Variants in MPLKIP observed in about 807,000 individuals in gnomAD.
MPLKIP encodes the protein M-phase specific PLK1 interacting protein.
Under a neutral mutation model 16.9 loss-of-function variants are expected in MPLKIP, and 16 were observed. The observed-to-expected ratio is 0.94, with a 90% CI of 0.64 to 1.43. MPLKIP has a LOEUF of 1.43. Ranked by LOEUF, MPLKIP falls within the 40% of genes most tolerant of loss-of-function variation. MPLKIP has a pLI of 0.00. For synonymous variants in MPLKIP, 126 were observed against 98.4 expected (o/e 1.28, Z -1.66); for missense variants, 282 against 237.6 (o/e 1.19, Z -1.23).
At chr7:40,134,066 C>T (rs1186005351) in intron 1 of MPLKIP, among the ~76,000 whole-genome samples, 163 bp downstream of exon 1, 1 of 152,084 alleles carries the variant, frequency 6.6e-6, no homozygotes. Context: ...GATAATCTTC[C>T]GGAAGTCACT....
In MPLKIP at chr7:40,131,071, C is replaced by A. The variant is rs1562780628; in HGVS notation, c.*1988G>T. On this transcript the variant is annotated 3_prime_UTR_variant, in exon 2 of 2. Coordinates refer to ENST00000306984, the MANE Select transcript of MPLKIP (RefSeq NM_138701.4). ...ATTCATTTAATCCTCCAACACAACA[C>A]CTCTATGACACAGGTACTATTAATT... 6.6e-6 allele frequency: 1 copy of A among 152,174 alleles called. No homozygotes were observed. The highest frequency in any genetic ancestry group is 1.5e-5 in the Non-Finnish European group (1 of 68,038). The allele number at this position is 152,174 out of a possible 1,614,324, so 9.4% of individuals were successfully genotyped here.
rs891028938 is a variant in MPLKIP, at chr7:40,131,076, A to G, written c.*1983T>C. The G allele has an allele frequency of 6.6e-6, 1 of 152,198 alleles. No homozygotes were observed. The highest frequency in any genetic ancestry group is 2.4e-5 in the African/African-American group (1 of 41,452). 9.4% of individuals were successfully genotyped at this position (152,198 alleles called of 1,614,324 possible). The stretch of plus-strand genomic sequence containing the variant: ...TTTAATCCTCCAACACAACACCTCT[A>G]TGACACAGGTACTATTAATTTTCTC... On this transcript the variant is annotated 3_prime_UTR_variant, in exon 2 of 2. Coordinates refer to ENST00000306984, the MANE Select transcript of MPLKIP (RefSeq NM_138701.4).
rs1000417273 is a variant in MPLKIP, at chr7:40,126,554, C to T, written c.*6505G>A. 1 of 152,100 alleles carries T rather than the reference C, an allele frequency of 6.6e-6. No homozygotes were observed. Among genetic ancestry groups the T allele is most frequent in the Non-Finnish European group, 1.5e-5 (1 of 68,064 alleles). The allele number at this position is 152,100 out of a possible 1,614,324, so 9.4% of individuals were successfully genotyped here. On this transcript the variant is annotated 3_prime_UTR_variant, in exon 2 of 2. Coordinates refer to ENST00000306984, the MANE Select transcript of MPLKIP (RefSeq NM_138701.4). ...GCTCAAGCAATTCTCCTGCCTCAGC[C>T]TCCCAAGTAGCTGGGATACAGGCAC...
Position 40,132,990 on chromosome 7 carries a change from TCAACA to T in MPLKIP, c.*64_*68del. 4 of 1,373,626 alleles carry T rather than the reference TCAACA, an allele frequency of 2.9e-6. No homozygotes were observed. The highest frequency in any genetic ancestry group is 4.1e-6 in the Non-Finnish European group (4 of 972,790). The allele number at this position is 1,373,626 out of a possible 1,614,324, so 85.1% of individuals were successfully genotyped here. On this transcript the variant is annotated 3_prime_UTR_variant, in exon 2 of 2. Coordinates refer to ENST00000306984, the MANE Select transcript of MPLKIP (RefSeq NM_138701.4). Reference sequence around the variant, plus strand: ...GTCATCATCTTTGGGTAAATTTATATCAACACAACTTAAAGTTTTGTCCAAGATGT... The same window carrying T: ...GTCATCATCTTTGGGTAAATTTATATCAACTTAAAGTTTTGTCCAAGATGT...
intron 1 of MPLKIP, among the ~76,000 whole-genome samples, chr7:40,133,884 G>GAGAAAA (rs1247784385): frequency 7.5e-5 from 2 of 26,842 alleles, no homozygotes; most frequent in East Asian, 7.0e-4. Context: ...TCGAAAGAAA[G>GAGAAAA]ATAAAAAAAA....
chr7:40,134,431 C>T lies in MPLKIP; in HGVS notation c.137G>A (p.Gly46Glu), dbSNP rs764264973. 9.6e-6 allele frequency: 15 copies of T among 1,566,178 alleles called. No homozygotes were observed. Among genetic ancestry groups the T allele is most frequent in the South Asian group, 1.2e-5 (1 of 85,920 alleles). Residue 46 changes from glycine (G) to glutamate (E), a missense_variant, in exon 1 of 2, where the codon GGG (glycine) becomes GAG (glutamate). Physicochemically the swap from Gly to Glu is moderately conservative, Grantham distance 98. Transcript: ENST00000306984. ...GTACGGCGGCGTGTGGTGCGGACTCCCGTACCCGTCTCGAGGGGAGGGCGG... is the reference window on the plus strand; with the variant it reads ...GTACGGCGGCGTGTGGTGCGGACTCTCGTACCCGTCTCGAGGGGAGGGCGG... ...PRPPSPRDGY[G>E]SPHHTPPYGP...
At position 40,133,136 on chromosome 7, in the gene MPLKIP, C is replaced by T. The variant is rs1458905372; in HGVS notation, c.463G>A (p.Val155Ile). The change falls in exon 2 of 2, where the codon GTA becomes ATA. Residue 155 changes from valine to isoleucine, a missense_variant. Val to Ile is a conservative substitution (Grantham distance 29, BLOSUM62 3). Transcript: ENST00000306984. ...TGTTGGCTTATATCCACTACAGATA[C>T]TGGTTCTAGGCCAGCCCAAGGATCT... ...LEDPWAGLEPVSVVDISQQYS... is the reference protein window; with the variant it reads ...LEDPWAGLEPISVVDISQQYS... The T allele has an allele frequency of 1.2e-6, 2 of 1,613,850 alleles. No homozygotes were observed. The highest frequency in any genetic ancestry group is 2.7e-5 in the African/African-American group (2 of 74,904).
In MPLKIP at chr7:40,134,271, CT is replaced by C. The variant is rs753172610; in HGVS notation, c.296del (p.Gln99ArgfsTer54). 4 of 1,561,466 alleles carry C rather than the reference CT, an allele frequency of 2.6e-6. No homozygotes were observed. Among genetic ancestry groups the C allele is most frequent in the Non-Finnish European group, 3.5e-6 (4 of 1,152,700 alleles). On this transcript the variant is annotated frameshift_variant, in exon 1 of 2. Coordinates refer to ENST00000306984, the MANE Select transcript of MPLKIP (RefSeq NM_138701.4). LOFTEE classifies it high-confidence loss of function. ...SYSRSPAGSQ[Q>X]QFGYSPGQQQ... ...GCTGCCCTGGGGAGTAGCCGAATTGCTGCTGGGACCCCGCGGGGGACCTGGA... is the reference window on the plus strand; with the variant it reads ...GCTGCCCTGGGGAGTAGCCGAATTGCGCTGGGACCCCGCGGGGGACCTGGA...
In MPLKIP at chr7:40,134,342, C is replaced by A; in HGVS notation, c.226G>T (p.Gly76Cys). 2 of 1,553,012 alleles carry A rather than the reference C, an allele frequency of 1.3e-6. No individual in the cohort carries two copies. The highest frequency in any genetic ancestry group is 1.2e-5 in the South Asian group (1 of 84,420). ...CCAGGGGACGGAGACCCGAACCGGC[C>A]CCCCGGGAAGCTGCCGCCGTGTCGC... The part of the protein sequence containing the change: ...SPRHGGSFPG[G>C]RFGSPSPGGY... Residue 76 changes from glycine to cysteine, a missense_variant, in exon 1 of 2, where the codon GGC becomes TGC. Coordinates refer to ENST00000306984, the MANE Select transcript of MPLKIP (RefSeq NM_138701.4).
Position 40,134,275 on chromosome 7 carries a change from TG to T in MPLKIP, c.292del (p.Gln98SerfsTer55). 2 of 1,561,460 alleles carry T rather than the reference TG, an allele frequency of 1.3e-6. No individual in the cohort carries two copies. Among genetic ancestry groups the T allele is most frequent in the Middle Eastern group, 1.7e-4 (1 of 5,876 alleles). ...CCCTGGGGAGTAGCCGAATTGCTGC[TG>T]GGACCCCGCGGGGGACCTGGAGTAG... The part of the protein sequence containing the change: ...GSYSRSPAGS[Q>X]QQFGYSPGQQ... On this transcript the variant is annotated frameshift_variant, in exon 1 of 2. Coordinates refer to ENST00000306984, the MANE Select transcript of MPLKIP (RefSeq NM_138701.4). LOFTEE classifies it high-confidence loss of function.
At position 40,131,486 on chromosome 7, in the gene MPLKIP, G is replaced by C. The variant is rs1439328201; in HGVS notation, c.*1573C>G. ...AGGCTGAGATGGGTGGATCATTTGA[G>C]ATCATGAGTTCGAGACCAGCCTGGT... is the stretch of plus-strand genomic sequence containing the variant. On this transcript the variant is annotated 3_prime_UTR_variant, in exon 2 of 2. Coordinates refer to ENST00000306984, the MANE Select transcript of MPLKIP (RefSeq NM_138701.4). 6.6e-6 allele frequency: 1 copy of C among 151,472 alleles called. No homozygotes were observed. The highest frequency in any genetic ancestry group is 1.5e-5 in the Non-Finnish European group (1 of 68,040). The allele number at this position is 151,472 out of a possible 1,614,324, so 9.4% of individuals were successfully genotyped here.
At position 40,128,201 on chromosome 7, in the gene MPLKIP, A is replaced by C. The variant is rs1374286711; in HGVS notation, c.*4858T>G. The C allele has an allele frequency of 1.3e-5, 2 of 152,186 alleles. No homozygotes were observed. Among genetic ancestry groups the C allele is most frequent in the Non-Finnish European group, 2.9e-5 (2 of 68,032 alleles). The allele number at this position is 152,186 out of a possible 1,614,324, so 9.4% of individuals were successfully genotyped here. ...TCGATCTGTAACTGACTGAACAATC[A>C]ATTAAGATAACTCACTACCTTCCAA... On this transcript the variant is annotated 3_prime_UTR_variant, in exon 2 of 2. Coordinates refer to ENST00000306984, the MANE Select transcript of MPLKIP (RefSeq NM_138701.4).
chr7:40,134,165 G>A (rs1343280324), intron 1 of MPLKIP, 64 bp downstream of exon 1: 3 of 1,505,294 alleles, frequency 2.0e-6, no homozygotes, highest in Non-Finnish European at 2.7e-6. Flanking sequence ...TCCACGTAAA[G>A]GGAATATTAG....
chr7:40,134,432 C>T lies in MPLKIP; in HGVS notation c.136G>A (p.Gly46Arg), dbSNP rs751554073. 8 of 1,566,362 alleles carry T rather than the reference C, an allele frequency of 5.1e-6. No individual in the cohort carries two copies. In the South Asian group the frequency reaches 7.0e-5, roughly 14 times the overall value. Reference sequence around the variant, plus strand: ...TACGGCGGCGTGTGGTGCGGACTCCCGTACCCGTCTCGAGGGGAGGGCGGC... The same window carrying T: ...TACGGCGGCGTGTGGTGCGGACTCCTGTACCCGTCTCGAGGGGAGGGCGGC... ...PRPPSPRDGY[G>R]SPHHTPPYGP... is the part of the protein sequence containing the mutation. The change falls in exon 1 of 2, where the codon GGG (glycine) becomes AGG (arginine). Residue 46 changes from glycine (G) to arginine (R), a missense_variant. Transcript: ENST00000306984.
Position 40,132,920 on chromosome 7 carries a change from T to C in MPLKIP, c.*139A>G. 1.3e-6 allele frequency: 1 copy of C among 783,240 alleles called. No individual in the cohort carries two copies. The highest frequency in any genetic ancestry group is 2.1e-6 in the Non-Finnish European group (1 of 466,834). 48.5% of individuals were successfully genotyped at this position (783,240 alleles called of 1,614,324 possible). Reference sequence around the variant, plus strand: ...TTTCTCTAATATCAACAATACCTGATACGATGAAAAATAACAAAAAGACCT... The same window carrying C: ...TTTCTCTAATATCAACAATACCTGACACGATGAAAAATAACAAAAAGACCT... On this transcript the variant is annotated 3_prime_UTR_variant, in exon 2 of 2. Transcript: ENST00000306984.
rs1329018006 is a variant in MPLKIP at position 40,127,776 on chromosome 7, C to G, written c.*5283G>C. On this transcript the variant is annotated 3_prime_UTR_variant, in exon 2 of 2. Transcript: ENST00000306984. ...AGGTAATTCAGGCTGGGTGCACTGC[C>G]TCACCCATGTAAGCCCAGCACTTTG... 6.6e-6 allele frequency: 1 copy of G among 152,110 alleles called. No individual in the cohort carries two copies. The highest frequency in any genetic ancestry group is 1.5e-5 in the Non-Finnish European group (1 of 68,040). The allele number at this position is 152,110 out of a possible 1,614,324, so 9.4% of individuals were successfully genotyped here.
rs1787420967 is a variant in MPLKIP, at chr7:40,128,521, A to G, written c.*4538T>C. ...GAAGATGTAATGTTAGTATGTCAGA[A>G]GTAAACATGAAACTTTTAACTTCCT... On this transcript the variant is annotated 3_prime_UTR_variant, in exon 2 of 2. Transcript: ENST00000306984. 4 of 152,274 alleles carry G rather than the reference A, an allele frequency of 2.6e-5. No homozygotes were observed. The South Asian group carries it at 8.3e-4, about 32-fold the overall frequency. The allele number at this position is 152,274 out of a possible 1,614,324, so 9.4% of individuals were successfully genotyped here.
At position 40,128,709 on chromosome 7, in the gene MPLKIP, G is replaced by A. The variant is rs757279799; in HGVS notation, c.*4350C>T. On this transcript the variant is annotated 3_prime_UTR_variant, in exon 2 of 2. Transcript: ENST00000306984. ...GGCTGGGCAGATCATGAGGTCAGGAGATTGAGACCATCCTGGCTAACAGGG... is the reference window on the plus strand; with the variant it reads ...GGCTGGGCAGATCATGAGGTCAGGAAATTGAGACCATCCTGGCTAACAGGG... 1 of 152,198 alleles carries A rather than the reference G, an allele frequency of 6.6e-6. No individual in the cohort carries two copies. The highest frequency in any genetic ancestry group is 6.6e-5 in the Admixed American group (1 of 15,262). The allele number at this position is 152,198 out of a possible 1,614,324, so 9.4% of individuals were successfully genotyped here.
In MPLKIP at chr7:40,128,937, A is replaced by AG. The variant is rs1460468018; in HGVS notation, c.*4121dup. 1 of 151,178 alleles carries AG rather than the reference A, an allele frequency of 6.6e-6. No individual in the cohort carries two copies. Among genetic ancestry groups the AG allele is most frequent in the Non-Finnish European group, 1.5e-5 (1 of 67,798 alleles). 9.4% of individuals were successfully genotyped at this position (151,178 alleles called of 1,614,324 possible). On this transcript the variant is annotated 3_prime_UTR_variant, in exon 2 of 2. Coordinates refer to ENST00000306984, the MANE Select transcript of MPLKIP (RefSeq NM_138701.4). ...TCTCAAAAAAAAAAAAAAAAAAAAA[A>AG]GAATGGTGGAAATACAGAGTTTGCT...
Sources: allele counts gnomAD v4.1 joint callset (sites outside exome capture counted in the v4.1 genomes callset), GRCh38; gene constraint gnomAD v4.1.1; transcripts MANE v1.5; gene names NCBI Gene and HGNC (gene_info 2026-07-23, HGNC 2026-07-21).